Variants in ZNF148 observed in about 807,000 individuals in gnomAD.
ZNF148 encodes the protein zinc finger protein 148.
In ZNF148, 7 loss-of-function variants were observed where a neutral mutation model predicts 67.7. That is an observed-to-expected ratio of 0.10 (90% CI 0.06 to 0.19). ZNF148 has a LOEUF of 0.19. Among genes scored for constraint, ZNF148 ranks in the 10% least tolerant of loss-of-function variants. The probability of loss-of-function intolerance (pLI) is 1.00; values close to 1 mark genes in which losing one functional copy is unlikely to be tolerated. For synonymous variants in ZNF148, 333 were observed against 330.7 expected (o/e 1.01, Z -0.08); for missense variants, 583 against 947.1 (o/e 0.62, Z 5.05).
intron 1 of ZNF148, among the ~76,000 whole-genome samples, chr3:125,360,489 T>C (rs985573529): frequency 6.6e-6 from 1 of 152,104 alleles, no homozygotes; most frequent in African/African-American, 2.4e-5. Flanking sequence ...TTTCCCTATG[T>C]TGCCCAGGCT....
At chr3:125,325,756 G>A (rs1236170630) in intron 2 of ZNF148, among the ~76,000 whole-genome samples, 2 of 152,112 alleles carry the variant, frequency 1.3e-5, no homozygotes, top group Non-Finnish European at 2.9e-5. Context: ...TTATAGGTAT[G>A]AGCCACCACA....
intron 3 of ZNF148, among the ~76,000 whole-genome samples, chr3:125,315,663 C>G (rs550460077): frequency 6.9e-6 from 1 of 144,022 alleles, no homozygotes; most frequent in Non-Finnish European, 1.5e-5. Flanking sequence ...GAGCCGAGAT[C>G]GAGCCACTGC....
intron 7 of ZNF148, among the ~76,000 whole-genome samples, chr3:125,264,915 T>C (rs1937500129): frequency 1.3e-5 from 2 of 152,308 alleles, no homozygotes; most frequent in Non-Finnish European, 2.9e-5. Flanking sequence ...AAAAATTTAA[T>C]GGCTAATTAA....
chr3:125,321,403 T>TAA (rs145459641), intron 3 of ZNF148, among the ~76,000 whole-genome samples: 45,146 of 151,454 alleles, frequency 0.3, 7,106 homozygotes, highest in Middle Eastern at 0.36. Context: ...CTAAAAGCTT[T>TAA]AAAAAAAACT....
chr3:125,338,158 C>G (rs1362272014), intron 1 of ZNF148, among the ~76,000 whole-genome samples: 1 of 151,970 alleles, frequency 6.6e-6, no homozygotes, highest in African/African-American at 2.4e-5. Flanking sequence ...TAAATGTCTA[C>G]TCTAACATAA....
At chr3:125,246,705 T>G (rs763888490) in intron 7 of ZNF148, among the ~76,000 whole-genome samples, 1 of 152,200 alleles carries the variant, frequency 6.6e-6, no homozygotes. Flanking sequence ...ATTATAATTA[T>G]AACCATACTT....
intron 3 of ZNF148, among the ~76,000 whole-genome samples, chr3:125,318,690 G>C (rs148199473): frequency 2.6e-5 from 4 of 152,214 alleles, no homozygotes; most frequent in Admixed American, 6.5e-5. Context: ...AGACAGACTG[G>C]AAAATGATGT....
intron 2 of ZNF148, among the ~76,000 whole-genome samples, chr3:125,325,592 A>G (rs1940985266): frequency 6.6e-6 from 1 of 151,964 alleles, no homozygotes; most frequent in Non-Finnish European, 1.5e-5. Flanking sequence ...CAGCCTCCCG[A>G]GTAGCTGGGA....
chr3:125,234,362 C>T (rs1027361508), intron 7 of ZNF148, 33 bp from the exon 8 acceptor site: 57 of 1,400,686 alleles, frequency 4.1e-5, no homozygotes, highest in Non-Finnish European at 5.3e-5. Flanking sequence ...TAAAACAAAA[C>T]AAATATTGTA....
intron 7 of ZNF148, among the ~76,000 whole-genome samples, chr3:125,247,084 T>C (rs1850506): frequency 0.77 from 117,335 of 152,092 alleles, 45,808 homozygotes; most frequent in African/African-American, 0.85. Flanking sequence ...TAAATCAAAG[T>C]GGCAAAAAAC....
intron 7 of ZNF148, among the ~76,000 whole-genome samples, chr3:125,258,588 C>G (rs1257219988): frequency 6.6e-6 from 1 of 151,990 alleles, no homozygotes; most frequent in Non-Finnish European, 1.5e-5. Flanking sequence ...TTAATTGCTA[C>G]AAGCAAAGCA....
intron 4 of ZNF148, among the ~76,000 whole-genome samples, chr3:125,312,863 A>G (rs1047882028): frequency 8.5e-5 from 13 of 152,280 alleles, no homozygotes; most frequent in African/African-American, 2.9e-4. Flanking sequence ...AAAAAGATAA[A>G]CAGATCAAGC....
At chr3:125,335,812 A>G (rs987444040) in intron 1 of ZNF148, among the ~76,000 whole-genome samples, 5 of 152,234 alleles carry the variant, frequency 3.3e-5, no homozygotes, top group African/African-American at 1.2e-4. Flanking sequence ...TTTTCAAAGT[A>G]TATCTTTACG....
At chr3:125,278,763 AT>A (rs1938209891) in intron 6 of ZNF148, among the ~76,000 whole-genome samples, 2 of 152,096 alleles carry the variant, frequency 1.3e-5, no homozygotes, top group Non-Finnish European at 2.9e-5. Flanking sequence ...TCATTTATTT[AT>A]ATTTGATTTC....
intron 1 of ZNF148, among the ~76,000 whole-genome samples, chr3:125,342,234 C>T (rs1191128042): frequency 6.6e-6 from 1 of 151,730 alleles, no homozygotes; most frequent in African/African-American, 2.4e-5. Flanking sequence ...GAAACGTACT[C>T]AAATTTAGGA....
intron 1 of ZNF148, among the ~76,000 whole-genome samples, chr3:125,369,413 C>G (rs895047087): frequency 8.0e-6 from 1 of 124,624 alleles, no homozygotes; most frequent in Non-Finnish European, 1.6e-5. Flanking sequence ...AAAAAGTGTG[C>G]CTCTTGAAGG....
At chr3:125,313,720 A>G (rs1354854137) in intron 3 of ZNF148, 64 bp from the exon 4 acceptor site, 1 of 1,281,892 alleles carries the variant, frequency 7.8e-7, no homozygotes, top group Non-Finnish European at 1.1e-6. Flanking sequence ...TTCATTTTAA[A>G]TTTTCAAATT....
chr3:125,332,542 T>G (rs1309240743), intron 1 of ZNF148, among the ~76,000 whole-genome samples: 1 of 152,212 alleles, frequency 6.6e-6, no homozygotes, highest in Non-Finnish European at 1.5e-5. Flanking sequence ...AACTGCTACC[T>G]AATTTAAGAG....
chr3:125,234,035 A>ATTG, intron 8 of ZNF148, 96 bp from the exon 9 acceptor site: 1 of 1,408,528 alleles, frequency 7.1e-7, no homozygotes, highest in Non-Finnish European at 9.5e-7. Context: ...AGATATATTA[A>ATTG]TGCAATAACA....
Sources: gnomAD v4.1 joint callset for allele counts (sites outside exome capture counted in the v4.1 genomes callset) on GRCh38, gnomAD v4.1.1 for gene constraint, MANE v1.5 for transcripts, NCBI Gene and HGNC (gene_info 2026-07-23, HGNC 2026-07-21) for gene names.